Variants in DTD1 observed in about 807,000 individuals in gnomAD.
DTD1 encodes D-tyrosyl-tRNA deacylase 1 homolog.
A neutral mutation model predicts 25.6 loss-of-function variants in DTD1; 13 were observed. That is an observed-to-expected ratio of 0.51 (90% CI 0.33 to 0.81). The LOEUF (loss-of-function observed/expected upper bound fraction) is 0.81. Among genes scored for constraint, DTD1 ranks in the 30% least tolerant of loss-of-function variants. The probability of loss-of-function intolerance (pLI) is 0.02; values close to 1 mark genes in which losing one functional copy is unlikely to be tolerated. For missense variants in DTD1, 193 were observed against 266.4 expected (o/e 0.72, Z 1.92); for synonymous variants, 110 against 103.6 (o/e 1.06, Z -0.37).
chr20:18,697,004 G>A (rs1034818785), intron 4 of DTD1, among the ~76,000 whole-genome samples: 19 of 151,656 alleles, frequency 1.3e-4, no homozygotes, highest in Admixed American at 9.8e-4. Flanking sequence ...TGGCAGAGGC[G>A]GGCAGATCAC....
intron 4 of DTD1, among the ~76,000 whole-genome samples, chr20:18,679,314 G>A (rs542895535): frequency 1.1e-4 from 17 of 152,278 alleles, no homozygotes; most frequent in African/African-American, 4.1e-4. Flanking sequence ...GTGGAACAAG[G>A]TTCCCTCATA....
At chr20:18,692,890 A>ATT (rs34962546) in intron 4 of DTD1, among the ~76,000 whole-genome samples, 6,204 of 112,396 alleles carry the variant, frequency 0.055, 745 homozygotes, top group African/African-American at 0.13. Context: ...CAGGACATGG[A>ATT]TTTTTTTTTT....
chr20:18,678,675 G>T (rs963381748), intron 4 of DTD1: 2 of 152,148 alleles, frequency 1.3e-5, no homozygotes, highest in African/African-American at 4.8e-5. Context: ...CTCTGGGAAG[G>T]CAACATTTTA....
rs548459118 is a variant in DTD1, at chr20:18,722,770, C to T, written c.478-21330C>T. ...ATGGTTTTAAGGAATGGGCTGTCTT[C>T]GGTGTAGAAGTGCCAGGTAAATGGC... On this transcript the variant is annotated intron_variant, in intron 4 of 5. Transcript: ENST00000377452. Among the ~76,000 whole-genome samples, 19 of 152,220 alleles carry T rather than the reference C, an allele frequency of 1.2e-4. No individual in the cohort carries two copies. The East Asian group carries it at 2.3e-3, about 19-fold the overall frequency.
rs573733473 is a variant in DTD1 at position 18,757,380 on chromosome 20, C to A, written c.*20-5980C>A. ...TCAAAGGGAGTGCTTCCAGTTTTTG[C>A]CCATTCAGTATGATATTAGCTGTGG... On this transcript the variant is annotated intron_variant, in intron 5 of 5. Coordinates refer to ENST00000377452, the MANE Select transcript of DTD1 (RefSeq NM_080820.6). Among the ~76,000 whole-genome samples, 4 of 152,270 alleles carry A rather than the reference C, an allele frequency of 2.6e-5. No individual in the cohort carries two copies. The East Asian group carries it at 7.7e-4, about 29-fold the overall frequency.
At chr20:18,606,255 A>T (rs1158337301) in intron 3 of DTD1, among the ~76,000 whole-genome samples, 2 of 139,738 alleles carry the variant, frequency 1.4e-5, no homozygotes, top group African/African-American at 2.7e-5. Context: ...TTAGAATGGC[A>T]ATCATTAAAA....
chr20:18,687,273 T>C (rs1329290423), intron 4 of DTD1, among the ~76,000 whole-genome samples: 4 of 152,184 alleles, frequency 2.6e-5, no homozygotes, highest in Admixed American at 2.6e-4. Context: ...TTTGAGGAAC[T>C]ATGACAGCAC....
At chr20:18,672,440 T>G (rs1018523) in intron 4 of DTD1, among the ~76,000 whole-genome samples, 55,077 of 151,860 alleles carry the variant, frequency 0.36, 10,312 homozygotes, top group Non-Finnish European at 0.41. Flanking sequence ...TTGAATAGCT[T>G]TTTTCAGTTT....
intron 4 of DTD1, among the ~76,000 whole-genome samples, chr20:18,659,967 C>T (rs1020637741): frequency 2.6e-5 from 4 of 152,054 alleles, no homozygotes; most frequent in African/African-American, 7.2e-5. Context: ...GGCATGGTGG[C>T]TCACATCTGT....
chr20:18,683,946 T>C, intron 4 of DTD1, among the ~76,000 whole-genome samples: 1 of 152,158 alleles, frequency 6.6e-6, no homozygotes. Context: ...TCTACTTAGA[T>C]AGGTATCCTG....
chr20:18,689,037 C>T (rs1269000303), intron 4 of DTD1, among the ~76,000 whole-genome samples: 2 of 152,200 alleles, frequency 1.3e-5, no homozygotes, highest in Non-Finnish European at 2.9e-5. Flanking sequence ...TTCTAATACT[C>T]GTGCTAGGAA....
At chr20:18,660,435 G>T (rs1318165155) in intron 4 of DTD1, among the ~76,000 whole-genome samples, 1 of 152,006 alleles carries the variant, frequency 6.6e-6, no homozygotes. Context: ...TGCCAAGGCT[G>T]GTCTCGAACT....
chr20:18,707,627 A>ACT (rs1310828213), intron 4 of DTD1, among the ~76,000 whole-genome samples: 1 of 151,370 alleles, frequency 6.6e-6, no homozygotes, highest in Non-Finnish European at 1.5e-5. Context: ...CACAAGAAAG[A>ACT]CTCTTTGGGC....
intron 5 of DTD1, among the ~76,000 whole-genome samples, chr20:18,746,214 A>C (rs1169961188): frequency 2.6e-5 from 4 of 152,136 alleles, no homozygotes; most frequent in African/African-American, 9.7e-5. Flanking sequence ...TCGGACATAC[A>C]ATTTGGAGCC....
At chr20:18,624,644 G>T (rs2060750190) in intron 3 of DTD1, among the ~76,000 whole-genome samples, 1 of 152,132 alleles carries the variant, frequency 6.6e-6, no homozygotes, top group Non-Finnish European at 1.5e-5. Flanking sequence ...TCCCCACACA[G>T]GCTTCCTTGA....
chr20:18,700,226 G>T (rs1358645101), intron 4 of DTD1, among the ~76,000 whole-genome samples: 1 of 152,128 alleles, frequency 6.6e-6, no homozygotes, highest in Non-Finnish European at 1.5e-5. Context: ...TCACTCACTT[G>T]GTCAAGATGG....
chr20:18,702,945 C>G (rs573430762), intron 4 of DTD1, among the ~76,000 whole-genome samples: 1 of 152,278 alleles, frequency 6.6e-6, no homozygotes, highest in African/African-American at 2.4e-5. Flanking sequence ...TGCTGCCATC[C>G]AGCAGGAGTC....
intron 4 of DTD1, among the ~76,000 whole-genome samples, chr20:18,679,513 A>G (rs17736093): frequency 0.074 from 11,210 of 152,302 alleles, 534 homozygotes; most frequent in Non-Finnish European, 0.1. Context: ...CCTTTCTGGT[A>G]TGATTTATAT....
intron 4 of DTD1, among the ~76,000 whole-genome samples, chr20:18,664,954 A>G (rs371834680): frequency 6.6e-6 from 1 of 152,194 alleles, no homozygotes; most frequent in Admixed American, 6.5e-5. Flanking sequence ...CAGGGACTTA[A>G]TAAGCCAGTG....
Sources: gnomAD v4.1 joint callset for allele counts (sites outside exome capture counted in the v4.1 genomes callset) on GRCh38, gnomAD v4.1.1 for gene constraint, MANE v1.5 for transcripts, NCBI Gene and HGNC (gene_info 2026-07-23, HGNC 2026-07-21) for gene names.